The following SYNRG variants were observed in gnomAD, a reference collection of about 807,000 sequenced individuals.
The protein encoded by SYNRG is synergin gamma.
A neutral mutation model predicts 130.9 loss-of-function variants in SYNRG; 37 were observed. The observed-to-expected ratio is 0.28, with a 90% confidence interval of 0.22 to 0.37. The LOEUF (loss-of-function observed/expected upper bound fraction) is 0.37, where lower values mean the gene tolerates loss of function less well. Among genes scored for constraint, SYNRG ranks in the 10% least tolerant of loss-of-function variants. The probability of loss-of-function intolerance (pLI) is 1.00; values close to 1 mark genes in which losing one functional copy is unlikely to be tolerated. For missense variants in SYNRG, 1,338 were observed against 1,588.9 expected (o/e 0.84, Z 2.68); for synonymous variants, 539 against 568.1 (o/e 0.95, Z 0.73).
chr17:37,588,404 A>G (rs1262987329), intron 3 of SYNRG, among the ~76,000 whole-genome samples: 4 of 151,964 alleles, frequency 2.6e-5, no homozygotes, highest in African/African-American at 7.3e-5. Flanking sequence ...CTGAGACTAC[A>G]GGCATGTGCC....
intron 8 of SYNRG, among the ~76,000 whole-genome samples, chr17:37,575,497 A>G (rs948323741): frequency 1.3e-5 from 2 of 151,950 alleles, no homozygotes; most frequent in Non-Finnish European, 2.9e-5. Context: ...CACTTTAAGG[A>G]TTTTCTTTTC....
chr17:37,581,772 T>C (rs531311895), intron 6 of SYNRG, among the ~76,000 whole-genome samples: 37 of 149,778 alleles, frequency 2.5e-4, no homozygotes, highest in Non-Finnish European at 4.0e-4. Context: ...TTTCTTTTTT[T>C]TTTTTTTTTT....
At chr17:37,585,830 T>C (rs937277494) in intron 4 of SYNRG, among the ~76,000 whole-genome samples, 1 of 152,218 alleles carries the variant, frequency 6.6e-6, no homozygotes, top group African/African-American at 2.4e-5. Context: ...TCAGGAAGCC[T>C]GCCTTTGGGT....
chr17:37,542,124 G>A lies in SYNRG; in HGVS notation c.3050C>T (p.Pro1017Leu), dbSNP rs1482625702. The change falls in exon 15 of 22, where the codon CCG becomes CTG. Residue 1017 changes from proline to leucine, a missense_variant. Pro to Leu is a moderately conservative substitution (Grantham distance 98). Coordinates refer to ENST00000612223, the MANE Select transcript of SYNRG (RefSeq NM_007247.6). ...TCCAAAGTCATCCGAACATTCGTTC[G>A]GGGTTTCTTGAGAGGCACCACTGGA... is the stretch of plus-strand genomic sequence containing the variant. ...PASSGASQETPNECSDDFGEF... is the reference protein window; with the variant it reads ...PASSGASQETLNECSDDFGEF... 3.1e-6 allele frequency: 5 copies of A among 1,614,050 alleles called. No individual in the cohort carries two copies. The highest frequency in any genetic ancestry group is 1.7e-5 in the Admixed American group (1 of 60,004).
intron 19 of SYNRG, chr17:37,529,823 G>A (rs765363106): frequency 1.5e-5 from 23 of 1,551,412 alleles, no homozygotes; most frequent in African/African-American, 9.6e-5. Context: ...GAGATGCTTT[G>A]TAATCACAGT....
rs369854196 is a variant in SYNRG at position 37,596,322 on chromosome 17, T to C, written c.141A>G (p.Gln47=). The C allele has an allele frequency of 9.3e-6, 15 of 1,614,166 alleles. No individual in the cohort carries two copies. Among genetic ancestry groups the C allele is most frequent in the Non-Finnish European group, 1.3e-5 (15 of 1,180,004 alleles). ...PPQAGLMPMQ[Q]QGFPMVSVMQ... ...TGACAGAGACCATAGGAAATCCTTG[T>C]TGCTGCATCGGCATCAGGCCTGCTG... Residue 47 remains glutamine (Q), a synonymous_variant, in exon 3 of 22, where the codon CAA becomes CAG. Coordinates refer to ENST00000612223, the MANE Select transcript of SYNRG (RefSeq NM_007247.6).
At chr17:37,605,611 T>G (rs964169015) in intron 1 of SYNRG, among the ~76,000 whole-genome samples, 1 of 152,238 alleles carries the variant, frequency 6.6e-6, no homozygotes, top group Non-Finnish European at 1.5e-5. Context: ...TAGTGACCTA[T>G]GAAAAATTCA....
At chr17:37,550,538 C>T (rs1423750686) in intron 14 of SYNRG, among the ~76,000 whole-genome samples, 1 of 152,024 alleles carries the variant, frequency 6.6e-6, no homozygotes, top group East Asian at 1.9e-4. Context: ...TAACACAAGA[C>T]TTACAGATCA....
intron 14 of SYNRG, among the ~76,000 whole-genome samples, chr17:37,548,779 T>C (rs4531774): frequency 0.07 from 10,351 of 147,690 alleles, 1,181 homozygotes; most frequent in African/African-American, 0.24. Flanking sequence ...GATCCAAGAT[T>C]GCGCCATTCC....
chr17:37,571,003 A>C, intron 9 of SYNRG, 118 bp from the exon 10 acceptor site: 2 of 1,305,996 alleles, frequency 1.5e-6, no homozygotes, highest in Non-Finnish European at 2.1e-6. Context: ...TCCAACTCTC[A>C]AAACTCATGA....
At chr17:37,576,930 A>G (rs1257614124) in intron 7 of SYNRG, among the ~76,000 whole-genome samples, 1 of 152,140 alleles carries the variant, frequency 6.6e-6, no homozygotes, top group African/African-American at 2.4e-5. Context: ...CCACATTCTA[A>G]TTCATTTCTG....
chr17:37,550,129 CCTTCT>C lies in SYNRG; in HGVS notation c.2608+2981_2608+2985del, dbSNP rs377702573. 2.8e-3 allele frequency among the ~76,000 whole-genome samples: 423 copies of C among 152,210 alleles called. 2 individuals carry two copies. The highest frequency in any genetic ancestry group is 9.7e-3 in the African/African-American group (403 of 41,536). ...TCTTAGGTCTTTTTCCCCACCTTCC[CCTTCT>C]CTTCTCTTCAATGTAATGCCTAGTA... On this transcript the variant is annotated intron_variant, in intron 14 of 21. Transcript: ENST00000612223.
intron 3 of SYNRG, among the ~76,000 whole-genome samples, chr17:37,592,693 T>C (rs1027243617): frequency 6.6e-6 from 1 of 152,226 alleles, no homozygotes; most frequent in Non-Finnish European, 1.5e-5. Flanking sequence ...ATTCAATTTA[T>C]ATAACATTTT....
At chr17:37,607,489 T>C (rs1047430413) in intron 1 of SYNRG, among the ~76,000 whole-genome samples, 5 of 152,094 alleles carry the variant, frequency 3.3e-5, no homozygotes, top group Non-Finnish European at 4.4e-5. Context: ...TAATCACATA[T>C]AGGAAATAAA....
intron 7 of SYNRG, among the ~76,000 whole-genome samples, chr17:37,577,101 T>G (rs1386641126): frequency 1.3e-5 from 2 of 152,178 alleles, no homozygotes; most frequent in Admixed American, 6.5e-5. Context: ...AAAGAGAGTT[T>G]TTATAAAATA....
chr17:37,520,610 T>C lies in SYNRG; in HGVS notation c.3705A>G (p.Leu1235=). The C allele has an allele frequency of 6.2e-7, 1 of 1,614,170 alleles. No individual in the cohort carries two copies. Among genetic ancestry groups the C allele is most frequent in the Non-Finnish European group, 8.5e-7 (1 of 1,180,040 alleles). Residue 1235 remains leucine, a synonymous_variant, in exon 20 of 22, where the codon TTA becomes TTG. Transcript: ENST00000612223. ...ENSLDFSSCM[L]RPGIKNAQEL... ...CCTGAGCATTTTTAATCCCAGGCCG[T>C]AACATACAGGAGGAAAAATCCAGCG...
intron 6 of SYNRG, 77 bp from the exon 7 acceptor site, chr17:37,577,690 A>ATTT: frequency 2.1e-6 from 2 of 944,910 alleles, no homozygotes; most frequent in Non-Finnish European, 3.1e-6. Flanking sequence ...CTCCACCCCC[A>ATTT]TATTCTTTTT....
intron 2 of SYNRG, among the ~76,000 whole-genome samples, chr17:37,596,791 T>C (rs1174261522): frequency 6.6e-6 from 1 of 151,374 alleles, no homozygotes; most frequent in Non-Finnish European, 1.5e-5. Flanking sequence ...TGAGACAGAG[T>C]CTCACTCTGT....
At chr17:37,585,574 C>A in intron 4 of SYNRG, 144 bp from the exon 5 acceptor site, 2 of 596,984 alleles carry the variant, frequency 3.4e-6, no homozygotes, top group Non-Finnish European at 5.8e-6. Context: ...TTTCTTACGA[C>A]AATCCTGTTT....
Sources: allele counts gnomAD v4.1 joint callset (sites outside exome capture counted in the v4.1 genomes callset), GRCh38; gene constraint gnomAD v4.1.1; transcripts MANE v1.5; gene names NCBI Gene and HGNC (gene_info 2026-07-23, HGNC 2026-07-21).